Variants in PRL observed in about 807,000 individuals in gnomAD.
PRL encodes decidual prolactin.
In PRL, 24 loss-of-function variants were observed where a neutral mutation model predicts 21.3. That is an observed-to-expected ratio of 1.13 (90% CI 0.82 to 1.59). The LOEUF is 1.59. Ranked by LOEUF, PRL falls within the 40% of genes most tolerant of loss-of-function variation. PRL has a pLI of 0.00. For missense variants in PRL, 243 were observed against 286.9 expected (o/e 0.85, Z 1.10); for synonymous variants, 118 against 115.7 (o/e 1.02, Z -0.13).
rs1041089259 is a variant in PRL, at chr6:22,288,876, G to T, written c.493-1283C>A. Reference sequence around the variant, plus strand: ...GAATTTAAAGTGTGTGTGTGTGTATGCGCGTGCGCGTGTGTGTGCGTGTGT... The same window carrying T: ...GAATTTAAAGTGTGTGTGTGTGTATTCGCGTGCGCGTGTGTGTGCGTGTGT... On this transcript the variant is annotated intron_variant, in intron 4 of 4. Coordinates refer to ENST00000306482, the MANE Select transcript of PRL (RefSeq NM_000948.6). This position sits in a 1 kb window ranked among gnomAD's most constrained non-coding sequence, Gnocchi z 4.5. 3.3e-5 allele frequency among the ~76,000 whole-genome samples: 5 copies of T among 151,876 alleles called. No individual in the cohort carries two copies. The highest frequency in any genetic ancestry group is 4.8e-5 in the African/African-American group (2 of 41,290).
At chr6:22,292,781 G>T (rs755230848) in intron 2 of PRL, 136 bp from the exon 3 acceptor site, 3 of 684,384 alleles carry the variant, frequency 4.4e-6, no homozygotes, top group Non-Finnish European at 7.2e-6. Context: ...GAAAACTAAA[G>T]AATTAAGAAA....
intron 3 of PRL, among the ~76,000 whole-genome samples, chr6:22,292,139 C>T (rs929009738): frequency 6.6e-6 from 1 of 152,138 alleles, no homozygotes; most frequent in Non-Finnish European, 1.5e-5. Context: ...AGTCATGTAA[C>T]ATGCTGTTGA....
chr6:22,300,373 T>TA (rs1419461097), upstream of PRL, among the ~76,000 whole-genome samples: 1 of 152,232 alleles, frequency 6.6e-6, no homozygotes, highest in Non-Finnish European at 1.5e-5. Flanking sequence ...TGGCCAATCT[T>TA]AGCAGCTGAG....
In PRL at chr6:22,294,400, G is replaced by A; in HGVS notation, c.204+9C>T. 1 of 1,613,984 alleles carries A rather than the reference G, an allele frequency of 6.2e-7. No homozygotes were observed. The highest frequency in any genetic ancestry group is 8.5e-7 in the Non-Finnish European group (1 of 1,179,892). Reference sequence around the variant, plus strand: ...CCTTCAGGGAGGAAGCCAGAAGCATGGTACTTACGAATTCGCTGAACATTT... The same window carrying A: ...CCTTCAGGGAGGAAGCCAGAAGCATAGTACTTACGAATTCGCTGAACATTT... On this transcript the variant is annotated intron_variant, in intron 2 of 4. Coordinates refer to ENST00000306482, the MANE Select transcript of PRL (RefSeq NM_000948.6).
chr6:22,295,232 T>C (rs1761150034), intron 1 of PRL, among the ~76,000 whole-genome samples: 1 of 152,200 alleles, frequency 6.6e-6, no homozygotes, highest in Admixed American at 6.5e-5. Context: ...CATAATAACC[T>C]TGTGAGATAC....
At position 22,290,271 on chromosome 6, in the gene PRL, C is replaced by T. The variant is rs1300414653; in HGVS notation, c.395G>A (p.Gly132Asp). Residue 132 changes from glycine to aspartate, a missense_variant, in exon 4 of 5, where the codon GGT becomes GAT. Transcript: ENST00000306482. ...GATAGCCTCCGGGGCTTCTTGCATA[C>T]CACGTACTTCCGTGACCAGATGATA... ...PLYHLVTEVR[G>D]MQEAPEAILS... 11 of 1,612,814 alleles carry T rather than the reference C, an allele frequency of 6.8e-6. No homozygotes were observed. The Admixed American group carries it at 1.8e-4, about 27-fold the overall frequency.
chr6:22,294,538 G>A lies in PRL; in HGVS notation c.75C>T (p.Ser25=), dbSNP rs1181973890. 2 of 1,613,348 alleles carry A rather than the reference G, an allele frequency of 1.2e-6. No individual in the cohort carries two copies. Among genetic ancestry groups the A allele is most frequent in the East Asian group, 2.2e-5 (1 of 44,858 alleles). The change falls in exon 2 of 5, where the codon AGC becomes AGT. Residue 25 remains serine, a synonymous_variant. Transcript: ENST00000306482. ...LLVSNLLLCQ[S]VAPLPICPGG... ...CGGGACAGATGGGCAAGGGGGCCACGCTCTGGCACAGGAGCAGGTTTGACA... is the reference window on the plus strand; with the variant it reads ...CGGGACAGATGGGCAAGGGGGCCACACTCTGGCACAGGAGCAGGTTTGACA...
At chr6:22,292,971 C>G (rs1285950425) in intron 2 of PRL, among the ~76,000 whole-genome samples, 1 of 152,164 alleles carries the variant, frequency 6.6e-6, no homozygotes, top group Non-Finnish European at 1.5e-5. Flanking sequence ...AAATATGCAA[C>G]ATTAAATGTT....
At position 22,294,495 on chromosome 6, in the gene PRL, G is replaced by C. The variant is rs1761132349; in HGVS notation, c.118C>G (p.Gln40Glu). Residue 40 changes from glutamine to glutamate, a missense_variant, in exon 2 of 5, where the codon CAG (glutamine) becomes GAG (glutamate). By Grantham distance (29) the Gln-to-Glu change is conservative. Coordinates refer to ENST00000306482, the MANE Select transcript of PRL (RefSeq NM_000948.6). ...TCAAACAGGTCTCGAAGGGTCACCTGGCATCGGGCAGCCCCGCCGGGACAG... is the reference window on the plus strand; with the variant it reads ...TCAAACAGGTCTCGAAGGGTCACCTCGCATCGGGCAGCCCCGCCGGGACAG... Reference protein sequence around the residue: ...PICPGGAARCQVTLRDLFDRA... With the variant: ...PICPGGAARCEVTLRDLFDRA... 1 of 1,614,188 alleles carries C rather than the reference G, an allele frequency of 6.2e-7. No homozygotes were observed. Among genetic ancestry groups the C allele is most frequent in the East Asian group, 2.2e-5 (1 of 44,872 alleles).
At chr6:22,301,341 C>A (rs1193556413), upstream of PRL, among the ~76,000 whole-genome samples, 1 of 152,138 alleles carries the variant, frequency 6.6e-6, no homozygotes, top group Non-Finnish European at 1.5e-5. Flanking sequence ...AGCACAGGCA[C>A]CATCAAATAG....
intron 2 of PRL, among the ~76,000 whole-genome samples, chr6:22,293,159 T>C (rs1042532441): frequency 6.6e-6 from 1 of 152,196 alleles, no homozygotes; most frequent in African/African-American, 2.4e-5. Flanking sequence ...CACCTATACC[T>C]TACCAAGTTC....
At chr6:22,294,764 T>C (rs1397225348) in intron 1 of PRL, among the ~76,000 whole-genome samples, 180 bp from the exon 2 acceptor site, 1 of 152,206 alleles carries the variant, frequency 6.6e-6, no homozygotes, top group African/African-American at 2.4e-5. Flanking sequence ...AGATATATAA[T>C]TATGTTTGCA....
rs1760975942 is a variant in PRL at position 22,288,636 on chromosome 6, G to A, written c.493-1043C>T. On this transcript the variant is annotated intron_variant, in intron 4 of 4. Transcript: ENST00000306482. This position sits in a 1 kb window ranked among gnomAD's most constrained non-coding sequence, Gnocchi z 4.5. Reference sequence around the variant, plus strand: ...TGTGATAACAAAAGGAGGCTGAACAGCACAACAGAGGGCATGCTATGTTTC... The same window carrying A: ...TGTGATAACAAAAGGAGGCTGAACAACACAACAGAGGGCATGCTATGTTTC... Among the ~76,000 whole-genome samples the A allele has an allele frequency of 6.6e-6, 1 of 152,072 alleles. No individual in the cohort carries two copies. Among genetic ancestry groups the A allele is most frequent in the Admixed American group, 6.5e-5 (1 of 15,268 alleles).
intron 3 of PRL, among the ~76,000 whole-genome samples, chr6:22,291,568 T>G (rs1053748262): frequency 1.3e-5 from 2 of 152,114 alleles, no homozygotes; most frequent in Non-Finnish European, 2.9e-5. Context: ...ATCATGTAGG[T>G]GCTCAAAAAA....
At chr6:22,287,722 T>C in intron 4 of PRL, 129 bp from the exon 5 acceptor site, 2 of 825,632 alleles carry the variant, frequency 2.4e-6, no homozygotes, top group Non-Finnish European at 3.5e-6. Context: ...AAGGCAATGA[T>C]TTTTGTATAT....
At chr6:22,298,784 C>CT (rs138108553), upstream of PRL, among the ~76,000 whole-genome samples, 2,457 of 152,260 alleles carry the variant, frequency 0.016, 33 homozygotes, top group Non-Finnish European at 0.025. Flanking sequence ...TTCTCCTCCT[C>CT]TCCCATAAAC....
At chr6:22,302,777 G>A (rs1440126603) in exon 1 of PRL, among the ~76,000 whole-genome samples, 3 of 152,042 alleles carry the variant, frequency 2.0e-5, no homozygotes, top group Non-Finnish European at 4.4e-5. Flanking sequence ...TGTATGTTCC[G>A]ATTCTTCTTG....
intron 1 of PRL, among the ~76,000 whole-genome samples, chr6:22,295,104 T>A (rs12202764): frequency 0.23 from 35,399 of 152,138 alleles, 4,332 homozygotes; most frequent in African/African-American, 0.27. Context: ...AATACTGAGT[T>A]TGAAAAGAAT....
intron 4 of PRL, among the ~76,000 whole-genome samples, chr6:22,289,364 T>C (rs961030922): frequency 6.6e-6 from 1 of 152,222 alleles, no homozygotes; most frequent in Non-Finnish European, 1.5e-5. Flanking sequence ...ACATTATCCC[T>C]GAAAACCTCA....
Sources: allele counts gnomAD v4.1 joint callset (sites outside exome capture counted in the v4.1 genomes callset), GRCh38; gene constraint gnomAD v4.1.1; non-coding constraint Gnocchi (gnomAD v3.1); transcripts MANE v1.5; gene names NCBI Gene and HGNC (gene_info 2026-07-23, HGNC 2026-07-21).